LYPLAL1: variants seen among roughly 807,000 people sequenced by gnomAD.
The protein encoded by LYPLAL1 is lysophospholipase-like protein 1.
A neutral mutation model predicts 19.7 loss-of-function variants in LYPLAL1; 23 were observed. The observed-to-expected ratio is 1.17, with a 90% confidence interval of 0.84 to 1.65. The LOEUF (loss-of-function observed/expected upper bound fraction) is 1.65, where lower values mean the gene tolerates loss of function less well. Ranked by LOEUF, LYPLAL1 falls within the 40% of genes most tolerant of loss-of-function variation. LYPLAL1 has a pLI of 0.00. For synonymous variants in LYPLAL1, 119 were observed against 96.3 expected (o/e 1.24, Z -1.38); for missense variants, 355 against 279.4 (o/e 1.27, Z -1.93).
At chr1:219,396,706 T>G in the LYPLAL1 span, among the ~76,000 whole-genome samples, 2 of 152,212 alleles carry the variant, frequency 1.3e-5, no homozygotes, top group Non-Finnish European at 2.9e-5. Context: ...AATGAAATTG[T>G]GTTCTGATTT....
At chr1:219,412,701 A>G in the LYPLAL1 span, among the ~76,000 whole-genome samples, 3 of 152,152 alleles carry the variant, frequency 2.0e-5, no homozygotes, top group Non-Finnish European at 2.9e-5. Context: ...CTCTAAGAAC[A>G]CTGTTACTTA....
At chr1:219,272,883 C>T in the LYPLAL1 span, 1 of 151,634 alleles carries the variant, frequency 6.6e-6, no homozygotes, top group Admixed American at 6.6e-5. Flanking sequence ...CAAAAACATC[C>T]AGTTTTCCAT....
chr1:219,357,949 A>G, the LYPLAL1 span, among the ~76,000 whole-genome samples: 14 of 152,336 alleles, frequency 9.2e-5, 1 homozygote, highest in South Asian at 2.9e-3. Flanking sequence ...GCTACATATT[A>G]TATGTTCTTT....
the LYPLAL1 span, among the ~76,000 whole-genome samples, chr1:219,320,794 T>C: frequency 6.6e-6 from 1 of 152,342 alleles, no homozygotes; most frequent in African/African-American, 2.4e-5. Flanking sequence ...TGCTGCATAG[T>C]ATTCCATTGT....
the LYPLAL1 span, among the ~76,000 whole-genome samples, chr1:219,403,659 G>C: frequency 6.6e-6 from 1 of 152,182 alleles, no homozygotes; most frequent in Non-Finnish European, 1.5e-5. Flanking sequence ...ATAACCTCTG[G>C]ATGCAGTGTA....
intron 1 of LYPLAL1, chr1:219,174,847 CAAA>C: frequency 1.0e-6 from 1 of 968,782 alleles, no homozygotes; most frequent in Non-Finnish European, 1.2e-6. Flanking sequence ...AAGTTAAAAA[CAAA>C]AACAATCCAA....
At position 219,174,076 on chromosome 1, in the gene LYPLAL1, C is replaced by A. The variant is rs1048582322; in HGVS notation, c.91+95C>A. 1.9e-6 allele frequency: 3 copies of A among 1,551,664 alleles called. No individual in the cohort carries two copies. The Admixed American group carries it at 5.7e-5, about 29-fold the overall frequency. On this transcript the variant is annotated intron_variant, in intron 1 of 4. Coordinates refer to ENST00000366928, the MANE Select transcript of LYPLAL1 (RefSeq NM_138794.5). Reference sequence around the variant, plus strand: ...TGCCCAAGTGGAGGTGTCGCCGGGCCCAAATAGGGCCCAGTGGGTGGCTCC... The same window carrying A: ...TGCCCAAGTGGAGGTGTCGCCGGGCACAAATAGGGCCCAGTGGGTGGCTCC...
At chr1:219,334,853 C>G in the LYPLAL1 span, among the ~76,000 whole-genome samples, 2 of 151,864 alleles carry the variant, frequency 1.3e-5, no homozygotes, top group African/African-American at 4.8e-5. Context: ...TACCAATACT[C>G]CACTCACAAA....
At chr1:219,439,843 A>G in the LYPLAL1 span, among the ~76,000 whole-genome samples, 1 of 151,658 alleles carries the variant, frequency 6.6e-6, no homozygotes, top group Non-Finnish European at 1.5e-5. Flanking sequence ...AGTTTGAAAA[A>G]AGCAATCCCT....
the LYPLAL1 span, among the ~76,000 whole-genome samples, chr1:219,358,083 T>C: frequency 6.6e-6 from 1 of 152,164 alleles, no homozygotes; most frequent in Non-Finnish European, 1.5e-5. Context: ...GGTGGATACA[T>C]GACATGATGC....
the LYPLAL1 span, among the ~76,000 whole-genome samples, chr1:219,300,595 C>T: frequency 6.5e-4 from 88 of 135,290 alleles, no homozygotes; most frequent in Non-Finnish European, 5.3e-4. Flanking sequence ...AGTGCAGTGG[C>T]GCATTCTGGG....
At chr1:219,215,770 C>T (rs1659270968), downstream of LYPLAL1, among the ~76,000 whole-genome samples, 1 of 152,252 alleles carries the variant, frequency 6.6e-6, no homozygotes, top group Non-Finnish European at 1.5e-5. Flanking sequence ...AAAGCTCACC[C>T]TGTTTGTTTC....
chr1:219,350,858 G>A, the LYPLAL1 span, among the ~76,000 whole-genome samples: 13 of 152,170 alleles, frequency 8.5e-5, no homozygotes, highest in Admixed American at 6.5e-5. Flanking sequence ...TCAGCTAAGT[G>A]GGGTGAAAGG....
At chr1:219,284,716 T>G in the LYPLAL1 span, among the ~76,000 whole-genome samples, 1 of 152,208 alleles carries the variant, frequency 6.6e-6, no homozygotes, top group African/African-American at 2.4e-5. Context: ...GTCTTTATTT[T>G]AAAGATGCAG....
At chr1:219,402,092 T>A in the LYPLAL1 span, among the ~76,000 whole-genome samples, 1 of 152,188 alleles carries the variant, frequency 6.6e-6, no homozygotes, top group South Asian at 2.1e-4. Context: ...AAGCTGGCAA[T>A]AAAAAGCTTG....
the LYPLAL1 span, among the ~76,000 whole-genome samples, chr1:219,383,075 A>T: frequency 6.6e-6 from 1 of 152,238 alleles, no homozygotes; most frequent in Non-Finnish European, 1.5e-5. Flanking sequence ...GTCAAAAACC[A>T]ACAACAAAAC....
At chr1:219,349,898 G>A in the LYPLAL1 span, among the ~76,000 whole-genome samples, 279 of 152,268 alleles carry the variant, frequency 1.8e-3, no homozygotes, top group African/African-American at 6.3e-3. Flanking sequence ...GGGAAAAATA[G>A]TAACATGATC....
the LYPLAL1 span, among the ~76,000 whole-genome samples, chr1:219,219,520 C>T: frequency 6.6e-6 from 1 of 152,172 alleles, no homozygotes; most frequent in Non-Finnish European, 1.5e-5. Context: ...ATCTGGTAAG[C>T]CTTTGAGTTC....
chr1:219,272,528 T>G, the LYPLAL1 span: 1 of 152,210 alleles, frequency 6.6e-6, no homozygotes, highest in Admixed American at 6.6e-5. Context: ...CCCAACACTT[T>G]CGGAGGCTGA....
Sources: gnomAD v4.1 joint callset for allele counts (sites outside exome capture counted in the v4.1 genomes callset) on GRCh38, gnomAD v4.1.1 for gene constraint, MANE v1.5 for transcripts, NCBI Gene and HGNC (gene_info 2026-07-23, HGNC 2026-07-21) for gene names.